The following DTWD2 variants were observed in gnomAD, a reference collection of about 807,000 sequenced individuals.
DTWD2 encodes tRNA-uridine aminocarboxypropyltransferase 2.
In DTWD2, 39 loss-of-function variants were observed where a neutral mutation model predicts 31.8. The observed-to-expected ratio is 1.22, with a 90% CI of 0.95 to 1.60. DTWD2 has a LOEUF of 1.60. Ranked by LOEUF, DTWD2 falls within the 40% of genes most tolerant of loss-of-function variation. The pLI is 0.00. For missense variants in DTWD2, 515 were observed against 381.5 expected (o/e 1.35, Z -2.92); for synonymous variants, 180 against 142.8 (o/e 1.26, Z -1.86).
intron 4 of DTWD2, among the ~76,000 whole-genome samples, chr5:118,865,703 C>A (rs916633734): frequency 6.6e-6 from 1 of 152,132 alleles, no homozygotes; most frequent in Non-Finnish European, 1.5e-5. Context: ...TTTTTTAAAG[C>A]TAGCAAACTG....
At chr5:118,889,143 G>T (rs977204387) in intron 4 of DTWD2, among the ~76,000 whole-genome samples, 3 of 152,016 alleles carry the variant, frequency 2.0e-5, no homozygotes, top group African/African-American at 4.8e-5. Context: ...TCATGCTTTT[G>T]GTGAAATCAT....
At position 118,837,680 on chromosome 5, in the gene DTWD2, C is replaced by G. The variant is rs1342057077; in HGVS notation, c.*3237G>C. ...TACTGAGAGGCCAAGGCAGAAGGAT[C>G]GCTTGAGGCCAGGAGTTCAGGACCA... On this transcript the variant is annotated 3_prime_UTR_variant, in exon 6 of 6. Transcript: ENST00000510708. 1.3e-5 allele frequency: 2 copies of G among 152,126 alleles called. No individual in the cohort carries two copies. The highest frequency in any genetic ancestry group is 2.9e-5 in the Non-Finnish European group (2 of 68,030). The allele number at this position is 152,126 out of a possible 1,614,324, so 9.4% of individuals were successfully genotyped here.
At chr5:118,896,442 A>G (rs891825943) in intron 4 of DTWD2, among the ~76,000 whole-genome samples, 3 of 148,816 alleles carry the variant, frequency 2.0e-5, no homozygotes, top group Non-Finnish European at 4.4e-5. Flanking sequence ...AAACAACTAG[A>G]ACATATACTC....
Position 118,873,225 on chromosome 5 carries a change from G to A in DTWD2, c.598-25007C>T, listed in dbSNP as rs570618370. On this transcript the variant is annotated intron_variant, in intron 4 of 5. Transcript: ENST00000510708. Reference sequence around the variant, plus strand: ...GAGCACAGCCCGGAACAGCCATCCCGCTAGGCTCAACTTGCTCCCATAAGA... The same window carrying A: ...GAGCACAGCCCGGAACAGCCATCCCACTAGGCTCAACTTGCTCCCATAAGA... Among the ~76,000 whole-genome samples, 3 of 152,296 alleles carry A rather than the reference G, an allele frequency of 2.0e-5. No individual in the cohort carries two copies. In the East Asian group the frequency reaches 5.8e-4, roughly 29 times the overall value.
chr5:118,965,797 T>G (rs1462398823), intron 1 of DTWD2, among the ~76,000 whole-genome samples: 3 of 152,188 alleles, frequency 2.0e-5, no homozygotes, highest in Admixed American at 1.3e-4. Flanking sequence ...ATACAAACAT[T>G]GCGGAAGGCC....
At chr5:118,869,394 G>A (rs963988170) in intron 4 of DTWD2, among the ~76,000 whole-genome samples, 2 of 152,086 alleles carry the variant, frequency 1.3e-5, no homozygotes, top group African/African-American at 4.8e-5. Context: ...ACGCTCAGAA[G>A]AAATAATACA....
chr5:118,928,022 T>C (rs1203686614), intron 4 of DTWD2, among the ~76,000 whole-genome samples: 1 of 152,056 alleles, frequency 6.6e-6, no homozygotes, highest in Non-Finnish European at 1.5e-5. Flanking sequence ...TCCAGGAATA[T>C]AAGAATGGAC....
Position 118,988,095 on chromosome 5 carries a change from T to G in DTWD2, c.218+199A>C, listed in dbSNP as rs771203765. 15 of 731,538 alleles carry G rather than the reference T, an allele frequency of 2.1e-5. No individual in the cohort carries two copies. The East Asian group carries it at 3.7e-4, about 18-fold the overall frequency. The allele number at this position is 731,538 out of a possible 1,614,324, so 45.3% of individuals were successfully genotyped here. ...CTCAGCATATTGCAGGAAGTAAGGTTAGATAATCATGAACCTGGAAAAAGG... is the reference window on the plus strand; with the variant it reads ...CTCAGCATATTGCAGGAAGTAAGGTGAGATAATCATGAACCTGGAAAAAGG... On this transcript the variant is annotated intron_variant, in intron 1 of 5. Transcript: ENST00000510708.
At chr5:118,917,461 A>G (rs1753603569) in intron 4 of DTWD2, among the ~76,000 whole-genome samples, 1 of 152,208 alleles carries the variant, frequency 6.6e-6, no homozygotes, top group Non-Finnish European at 1.5e-5. Flanking sequence ...AATACAGTCC[A>G]TTTCAGAGAC....
At chr5:118,869,130 G>A (rs1016436452) in intron 4 of DTWD2, among the ~76,000 whole-genome samples, 1 of 151,862 alleles carries the variant, frequency 6.6e-6, no homozygotes, top group Admixed American at 6.6e-5. Context: ...GGTGGTGGTG[G>A]TGGTGGTGGT....
At chr5:118,861,355 T>C (rs1752256520) in intron 4 of DTWD2, among the ~76,000 whole-genome samples, 2 of 152,240 alleles carry the variant, frequency 1.3e-5, no homozygotes, top group Non-Finnish European at 2.9e-5. Context: ...TTCTTGGGGC[T>C]TCATCTACCC....
chr5:118,865,018 A>AAC lies in DTWD2; in HGVS notation c.598-16802_598-16801dup, dbSNP rs1201641393. On this transcript the variant is annotated intron_variant, in intron 4 of 5. Coordinates refer to ENST00000510708, the MANE Select transcript of DTWD2 (RefSeq NM_173666.4). ...AAGCAAATACTGTCTGAAAAATTTA[A>AAC]ACACACACACACAAACACACACACA... Among the ~76,000 whole-genome samples the AAC allele has an allele frequency of 3.9e-5, 6 of 152,068 alleles. No individual in the cohort carries two copies. The South Asian group carries it at 6.3e-4, about 16-fold the overall frequency.
chr5:118,867,914 A>G (rs1752412539), intron 4 of DTWD2, among the ~76,000 whole-genome samples: 2 of 152,228 alleles, frequency 1.3e-5, no homozygotes, highest in African/African-American at 4.8e-5. Context: ...GTAAAAAACA[A>G]AACAAAACAA....
chr5:118,968,102 C>A (rs76155517), intron 1 of DTWD2, among the ~76,000 whole-genome samples: 1,856 of 151,782 alleles, frequency 0.012, 44 homozygotes, highest in African/African-American at 0.042. Context: ...AAATGTATAA[C>A]CTTGCTGTAA....
intron 4 of DTWD2, among the ~76,000 whole-genome samples, chr5:118,855,514 T>A (rs1274977112): frequency 6.6e-6 from 1 of 151,974 alleles, no homozygotes; most frequent in East Asian, 1.9e-4. Context: ...ATTATACCAA[T>A]AAAGAAAACA....
chr5:118,966,321 G>A (rs1349567472), intron 1 of DTWD2, among the ~76,000 whole-genome samples: 1 of 152,156 alleles, frequency 6.6e-6, no homozygotes, highest in African/African-American at 2.4e-5. Flanking sequence ...ATGTGGGTGC[G>A]CAGTGGTTGT....
rs1160438782 is a variant in DTWD2 at position 118,988,326 on chromosome 5, C to T, written c.186G>A (p.Pro62=). Residue 62 remains proline, a synonymous_variant, in exon 1 of 6, where the codon CCG becomes CCA. Coordinates refer to ENST00000510708, the MANE Select transcript of DTWD2 (RefSeq NM_173666.4). ...GGGTGCACTCAGGCCTCCGCTCGGC[C>T]GGCTCCACCGGCAGCTCCCACAGCC... The part of the protein sequence containing the change: ...ADGLWELPVE[P]AERRPECTRC... 2 of 1,539,154 alleles carry T rather than the reference C, an allele frequency of 1.3e-6. No homozygotes were observed. The highest frequency in any genetic ancestry group is 1.7e-6 in the Non-Finnish European group (2 of 1,147,210).
chr5:118,866,910 C>A (rs930263750), intron 4 of DTWD2, among the ~76,000 whole-genome samples: 5 of 150,816 alleles, frequency 3.3e-5, no homozygotes, highest in African/African-American at 1.2e-4. Context: ...GAGTGAGACT[C>A]TGTCTCAAAA....
intron 1 of DTWD2, among the ~76,000 whole-genome samples, chr5:118,965,172 C>CCG (rs1754806227): frequency 1.3e-5 from 2 of 151,432 alleles, no homozygotes; most frequent in East Asian, 2.0e-4. Flanking sequence ...GGCAGCTGCC[C>CCG]TGTCTGAGAA....
Sources: allele counts gnomAD v4.1 joint callset (sites outside exome capture counted in the v4.1 genomes callset), GRCh38; gene constraint gnomAD v4.1.1; transcripts MANE v1.5; gene names NCBI Gene and HGNC (gene_info 2026-07-23, HGNC 2026-07-21).